The following CTNND2 variants were observed in gnomAD, a reference collection of about 807,000 sequenced individuals.
The protein encoded by CTNND2 is catenin delta 2, also known as catenin delta-2.
A neutral mutation model predicts 144.4 loss-of-function variants in CTNND2; 22 were observed. The ratio of observed to expected loss-of-function variants is 0.15; its 90% CI spans 0.11 to 0.22. The LOEUF is 0.22. Ranked by LOEUF, CTNND2 falls within the 10% of genes least tolerant of loss-of-function variation. The pLI is 1.00. For synonymous variants in CTNND2, 751 were observed against 695.6 expected (o/e 1.08, Z -1.25); for missense variants, 1,353 against 1,618.8 (o/e 0.84, Z 2.82).
intron 16 of CTNND2, among the ~76,000 whole-genome samples, chr5:11,079,517 C>A (rs1749323033): frequency 6.6e-6 from 1 of 152,208 alleles, no homozygotes; most frequent in Non-Finnish European, 1.5e-5. Flanking sequence ...GCCTTGGCAT[C>A]TTCCCACCTA....
intron 2 of CTNND2, among the ~76,000 whole-genome samples, chr5:11,725,582 G>C (rs1786970280): frequency 6.6e-6 from 1 of 152,084 alleles, no homozygotes; most frequent in African/African-American, 2.4e-5. Flanking sequence ...TTATCTAAAT[G>C]ATGAGGTTGT....
At chr5:11,366,303 A>AATTTAAG (rs1331056861) in intron 7 of CTNND2, among the ~76,000 whole-genome samples, 1 of 152,240 alleles carries the variant, frequency 6.6e-6, no homozygotes, top group East Asian at 1.9e-4. Context: ...GGCTACTTTA[A>AATTTAAG]ATTTAAGTAC....
chr5:11,613,158 C>A (rs1242023168), intron 2 of CTNND2, among the ~76,000 whole-genome samples: 3 of 152,214 alleles, frequency 2.0e-5, no homozygotes, highest in East Asian at 1.9e-4. Flanking sequence ...ACTTCTTAAT[C>A]AAAATCCATT....
chr5:11,177,761 C>G (rs1168109219), intron 11 of CTNND2, among the ~76,000 whole-genome samples: 3 of 151,944 alleles, frequency 2.0e-5, no homozygotes, highest in African/African-American at 7.3e-5. Flanking sequence ...CAAAAACAAC[C>G]TTTGTCATTT....
intron 3 of CTNND2, among the ~76,000 whole-genome samples, chr5:11,465,302 CTT>C (rs538279094): frequency 1.4e-4 from 20 of 139,262 alleles, no homozygotes; most frequent in Admixed American, 1.4e-4. Flanking sequence ...CAAAACTGAA[CTT>C]TTTTTTTTTT....
At chr5:11,712,263 T>A (rs1458059955) in intron 2 of CTNND2, among the ~76,000 whole-genome samples, 1 of 152,166 alleles carries the variant, frequency 6.6e-6, no homozygotes, top group Non-Finnish European at 1.5e-5. Flanking sequence ...AGTTTCAGGG[T>A]CTCTGAGCTA....
intron 16 of CTNND2, among the ~76,000 whole-genome samples, chr5:11,075,010 G>T (rs1365911858): frequency 1.3e-5 from 2 of 151,740 alleles, no homozygotes; most frequent in Non-Finnish European, 1.5e-5. Flanking sequence ...GATCCATGTG[G>T]GGAAAGGAAT....
chr5:11,141,524 A>G (rs535334941), intron 12 of CTNND2, among the ~76,000 whole-genome samples: 1 of 152,332 alleles, frequency 6.6e-6, no homozygotes, highest in Admixed American at 6.5e-5. Context: ...AGTTATTCTA[A>G]GAATAGTTAT....
At chr5:11,021,423 CA>C (rs1188439684) in intron 17 of CTNND2, among the ~76,000 whole-genome samples, 1 of 152,086 alleles carries the variant, frequency 6.6e-6, no homozygotes, top group Non-Finnish European at 1.5e-5. Flanking sequence ...AACAGGTAAG[CA>C]CTTCAATTAG....
At chr5:11,413,253 T>C (rs1761685173) in intron 3 of CTNND2, among the ~76,000 whole-genome samples, 1 of 152,196 alleles carries the variant, frequency 6.6e-6, no homozygotes, top group African/African-American at 2.4e-5. Context: ...TAGTAACATA[T>C]AACTACAAAG....
chr5:11,181,430 G>A (rs533122516), intron 11 of CTNND2, among the ~76,000 whole-genome samples: 3 of 152,232 alleles, frequency 2.0e-5, no homozygotes, highest in East Asian at 1.9e-4. Flanking sequence ...GTGAGATGGC[G>A]ACAACCAGCA....
intron 3 of CTNND2, among the ~76,000 whole-genome samples, chr5:11,438,903 C>T (rs1764008824): frequency 6.6e-6 from 1 of 152,032 alleles, no homozygotes; most frequent in South Asian, 2.1e-4. Context: ...ATCCCTTTCG[C>T]CAGGGCAAGT....
At chr5:10,999,892 C>T (rs1198193687) in intron 18 of CTNND2, among the ~76,000 whole-genome samples, 2 of 152,318 alleles carry the variant, frequency 1.3e-5, no homozygotes, top group East Asian at 3.9e-4. Flanking sequence ...CTTTATTATT[C>T]CCCAAAGCTA....
chr5:11,313,188 C>T (rs1191568796), intron 9 of CTNND2, among the ~76,000 whole-genome samples: 1 of 152,212 alleles, frequency 6.6e-6, no homozygotes, highest in Non-Finnish European at 1.5e-5. Context: ...TGCTTTTCAA[C>T]TCCGTCACAA....
At chr5:11,182,792 T>C (rs1735225578) in intron 11 of CTNND2, among the ~76,000 whole-genome samples, 1 of 152,180 alleles carries the variant, frequency 6.6e-6, no homozygotes, top group African/African-American at 2.4e-5. Flanking sequence ...TAAAAGGTAA[T>C]TTGCATAGAT....
chr5:11,867,639 AT>A (rs1436423929), intron 1 of CTNND2, among the ~76,000 whole-genome samples: 2 of 150,784 alleles, frequency 1.3e-5, no homozygotes, highest in Non-Finnish European at 2.9e-5. Context: ...GAGACCATTC[AT>A]TCATTCATTC....
In CTNND2 at chr5:11,797,238, C is replaced by T. The variant is rs544223561; in HGVS notation, c.38-64966G>A. Among the ~76,000 whole-genome samples, 28 of 152,316 alleles carry T rather than the reference C, an allele frequency of 1.8e-4. 1 individual carries two copies. The highest frequency in any genetic ancestry group is 2.4e-4 in the Non-Finnish European group (16 of 68,020). On this transcript the variant is annotated intron_variant, in intron 1 of 21. Transcript: ENST00000304623. The stretch of plus-strand genomic sequence containing the variant: ...TTGAATGAGTGATCACCGATCATTT[C>T]GGTGTGAGTAACTCTGATATGCACA...
intron 1 of CTNND2, among the ~76,000 whole-genome samples, chr5:11,897,110 C>T (rs1322810521): frequency 6.6e-6 from 1 of 152,066 alleles, no homozygotes; most frequent in Non-Finnish European, 1.5e-5. Context: ...TCCCCATGAC[C>T]CCAAGAACAA....
chr5:11,824,066 G>A (rs1313050210), intron 1 of CTNND2, among the ~76,000 whole-genome samples: 1 of 129,432 alleles, frequency 7.7e-6, no homozygotes, highest in Non-Finnish European at 1.5e-5. Flanking sequence ...TTGCACCACT[G>A]TACTCCAGCA....
Sources: allele counts gnomAD v4.1 joint callset (sites outside exome capture counted in the v4.1 genomes callset), GRCh38; gene constraint gnomAD v4.1.1; transcripts MANE v1.5; gene names NCBI Gene and HGNC (gene_info 2026-07-23, HGNC 2026-07-21).